Variants in SLIT2 observed in about 807,000 individuals in gnomAD.
SLIT2 encodes slit homolog 2 protein.
SLIT2 carries 41 observed loss-of-function variants against 185.7 expected under a neutral mutation model. The ratio of observed to expected loss-of-function variants is 0.22; its 90% CI spans 0.17 to 0.29. The LOEUF is 0.29. SLIT2 is among the 10% of genes least tolerant of loss of function. SLIT2 has a pLI of 1.00. For synonymous variants in SLIT2, 693 were observed against 680.2 expected (o/e 1.02, Z -0.29); for missense variants, 1,571 against 1,909.0 (o/e 0.82, Z 3.30).
At chr4:20,427,849 T>C (rs1178714205) in intron 4 of SLIT2, among the ~76,000 whole-genome samples, 1 of 152,168 alleles carries the variant, frequency 6.6e-6, no homozygotes, top group Non-Finnish European at 1.5e-5. Context: ...TCTTAATCAG[T>C]TGTTCTCTAT....
At chr4:20,603,098 G>A (rs61790712) in intron 33 of SLIT2, among the ~76,000 whole-genome samples, 1 of 152,140 alleles carries the variant, frequency 6.6e-6, no homozygotes, top group South Asian at 2.1e-4. Context: ...AAGAAAAAGA[G>A]GTTTAATTGA....
intron 5 of SLIT2, among the ~76,000 whole-genome samples, chr4:20,470,035 G>A (rs2148748385): frequency 6.6e-6 from 1 of 152,162 alleles, no homozygotes; most frequent in Non-Finnish European, 1.5e-5. Flanking sequence ...GATTACAGGT[G>A]TGAGCCACTG....
intron 30 of SLIT2, among the ~76,000 whole-genome samples, chr4:20,592,658 A>G (rs1055534584): frequency 1.3e-5 from 2 of 152,240 alleles, no homozygotes; most frequent in East Asian, 3.9e-4. Context: ...TTTCAGATAA[A>G]TAATTCAGAG....
chr4:20,510,661 T>TTG, intron 10 of SLIT2, 95 bp downstream of exon 10: 1 of 711,796 alleles, frequency 1.4e-6, no homozygotes, highest in Non-Finnish European at 2.4e-6. Context: ...TATAAGTGTT[T>TTG]GACAGCTTAA....
At chr4:20,333,810 G>A (rs1229054461) in intron 4 of SLIT2, among the ~76,000 whole-genome samples, 3 of 152,110 alleles carry the variant, frequency 2.0e-5, no homozygotes, top group African/African-American at 7.2e-5. Flanking sequence ...CATGTGTAAA[G>A]GTTGCAATTA....
chr4:20,401,552 T>A (rs1353347502), intron 4 of SLIT2, among the ~76,000 whole-genome samples: 3 of 151,786 alleles, frequency 2.0e-5, no homozygotes, highest in Non-Finnish European at 2.9e-5. Context: ...ATCTGCATGC[T>A]TAGCCACGCA....
At chr4:20,346,138 A>T (rs1254422615) in intron 4 of SLIT2, among the ~76,000 whole-genome samples, 1 of 152,088 alleles carries the variant, frequency 6.6e-6, no homozygotes, top group East Asian at 1.9e-4. Flanking sequence ...AACGACAAGC[A>T]CGCACCACTA....
At chr4:20,557,283 G>A (rs1724345058) in intron 26 of SLIT2, among the ~76,000 whole-genome samples, 1 of 152,034 alleles carries the variant, frequency 6.6e-6, no homozygotes, top group Non-Finnish European at 1.5e-5. Flanking sequence ...GATTTTCATA[G>A]CTAAAGAGAA....
At chr4:20,518,253 ATAT>A (rs1560494557) in intron 11 of SLIT2, among the ~76,000 whole-genome samples, 1 of 101,418 alleles carries the variant, frequency 9.9e-6, no homozygotes, top group African/African-American at 3.6e-5. Context: ...ATATATATAT[ATAT>A]TTTTTTTTTT....
intron 4 of SLIT2, among the ~76,000 whole-genome samples, chr4:20,458,957 A>G (rs1713387778): frequency 6.6e-6 from 1 of 152,172 alleles, no homozygotes; most frequent in Non-Finnish European, 1.5e-5. Flanking sequence ...ATACTTTTTC[A>G]CACTTCCATC....
intron 4 of SLIT2, among the ~76,000 whole-genome samples, chr4:20,403,091 C>G (rs1014906890): frequency 2.0e-5 from 3 of 151,766 alleles, no homozygotes; most frequent in Non-Finnish European, 4.4e-5. Context: ...AAGTTTGGCT[C>G]TATTTAATCT....
rs1722770156 is a variant in SLIT2, at chr4:20,361,880, A to G, written c.395+92999A>G. 3.9e-5 allele frequency among the ~76,000 whole-genome samples: 6 copies of G among 152,266 alleles called. No individual in the cohort carries two copies. The South Asian group carries it at 1.0e-3, about 26-fold the overall frequency. On this transcript the variant is annotated intron_variant, in intron 4 of 36. Transcript: ENST00000504154. ...TTCACATTTTTTGGGTGTACAGCCC[A>G]ATGAGTTTCTGTAAATATGTCCTAA... is the stretch of plus-strand genomic sequence containing the variant.
chr4:20,456,399 T>A (rs746106836), intron 4 of SLIT2, among the ~76,000 whole-genome samples: 2 of 152,148 alleles, frequency 1.3e-5, no homozygotes, highest in Non-Finnish European at 2.9e-5. Flanking sequence ...CATTTCTTCT[T>A]ACCAGACCAT....
At chr4:20,375,383 A>T (rs994904083) in intron 4 of SLIT2, among the ~76,000 whole-genome samples, 4 of 152,052 alleles carry the variant, frequency 2.6e-5, no homozygotes, top group African/African-American at 9.7e-5. Context: ...GAATATGTAC[A>T]CCTGTCACTT....
chr4:20,614,126 G>A (rs531128589), intron 34 of SLIT2, among the ~76,000 whole-genome samples: 2 of 152,182 alleles, frequency 1.3e-5, no homozygotes, highest in East Asian at 3.9e-4. Context: ...ACCCACCTCG[G>A]CCTCCCAAAG....
intron 4 of SLIT2, among the ~76,000 whole-genome samples, chr4:20,411,412 T>G (rs1270449389): frequency 6.6e-6 from 1 of 152,320 alleles, no homozygotes; most frequent in East Asian, 1.9e-4. Flanking sequence ...GATTAATAAC[T>G]TGGCAAACAC....
chr4:20,383,895 G>C (rs762204437), intron 4 of SLIT2, among the ~76,000 whole-genome samples: 1 of 151,920 alleles, frequency 6.6e-6, no homozygotes, highest in African/African-American at 2.4e-5. Flanking sequence ...TGATAGAGAT[G>C]GGGTTTCACC....
chr4:20,286,275 C>T (rs909406060), intron 4 of SLIT2, among the ~76,000 whole-genome samples: 3 of 152,040 alleles, frequency 2.0e-5, no homozygotes, highest in Non-Finnish European at 4.4e-5. Flanking sequence ...AGCTTGTTAT[C>T]CTCTCTCCCC....
intron 4 of SLIT2, among the ~76,000 whole-genome samples, chr4:20,373,691 C>G (rs1391370357): frequency 3.9e-5 from 6 of 152,048 alleles, no homozygotes; most frequent in Non-Finnish European, 1.5e-5. Context: ...AAACTCACTT[C>G]TAGGGACCAC....
Sources: gnomAD v4.1 joint callset for allele counts (sites outside exome capture counted in the v4.1 genomes callset) on GRCh38, gnomAD v4.1.1 for gene constraint, MANE v1.5 for transcripts, NCBI Gene and HGNC (gene_info 2026-07-23, HGNC 2026-07-21) for gene names.